CARD6: variants seen among roughly 807,000 people sequenced by gnomAD.
CARD6 encodes the protein caspase recruitment domain family member 6.
Under a neutral mutation model 23.6 loss-of-function variants are expected in CARD6, and 27 were observed. That is an observed-to-expected ratio of 1.14 (90% CI 0.84 to 1.58). The LOEUF is 1.58. Ranked by LOEUF, CARD6 falls within the 40% of genes most tolerant of loss-of-function variation. The pLI is 0.00. For missense variants in CARD6, 1,214 were observed against 1,209.9 expected (o/e 1.00, Z -0.05); for synonymous variants, 397 against 431.8 (o/e 0.92, Z 1.00).
At chr5:40,849,137 C>T (rs1362207114) in intron 2 of CARD6, among the ~76,000 whole-genome samples, 1 of 152,080 alleles carries the variant, frequency 6.6e-6, no homozygotes, top group Non-Finnish European at 1.5e-5. Context: ...GCTGGGACTA[C>T]AGGCACCTGC....
At chr5:40,846,543 T>G (rs1745970957) in intron 2 of CARD6, among the ~76,000 whole-genome samples, 1 of 152,142 alleles carries the variant, frequency 6.6e-6, no homozygotes, top group Admixed American at 6.5e-5. Flanking sequence ...GCCAGAAGCC[T>G]GATATCAAGG....
chr5:40,843,643 G>A lies in CARD6; in HGVS notation c.775G>A (p.Glu259Lys), dbSNP rs1217995241. 1.9e-6 allele frequency: 3 copies of A among 1,586,814 alleles called. No individual in the cohort carries two copies. Among genetic ancestry groups the A allele is most frequent in the Non-Finnish European group, 1.7e-6 (2 of 1,171,768 alleles). Residue 259 changes from glutamate to lysine, a missense_variant, in exon 2 of 3, where the codon GAA becomes AAA. By Grantham distance (56) the Glu-to-Lys change is moderately conservative. Transcript: ENST00000254691. ...NSETTEFSGE[E>K]PSYEGSETSL... ...AGAAACCACAGAGTTCTCTGGTGAA[G>A]AACCAAGTTATGAGGGATCAGAAAC...
In CARD6 at chr5:40,843,223, T is replaced by A; in HGVS notation, c.355T>A (p.Ser119Thr). 6.2e-7 allele frequency: 1 copy of A among 1,613,854 alleles called. No homozygotes were observed. Among genetic ancestry groups the A allele is most frequent in the Non-Finnish European group, 8.5e-7 (1 of 1,179,928 alleles). Reference protein sequence around the residue: ...GASSNSEDAFSPGIKQPEAPE... With the variant: ...GASSNSEDAFTPGIKQPEAPE... Reference sequence around the variant, plus strand: ...AAGCAGTAATTCAGAAGATGCTTTTTCTCCTGGAATAAAACAGCCTGAAGC... The same window carrying A: ...AAGCAGTAATTCAGAAGATGCTTTTACTCCTGGAATAAAACAGCCTGAAGC... Residue 119 changes from serine to threonine, a missense_variant, in exon 2 of 3, where the codon TCT (serine) becomes ACT (threonine). Ser to Thr is a moderately conservative substitution (Grantham distance 58). Transcript: ENST00000254691.
Position 40,853,149 on chromosome 5 carries a change from A to G in CARD6, c.1817A>G (p.Gln606Arg). Residue 606 changes from glutamine (Q) to arginine (R), a missense_variant, in exon 3 of 3, where the codon CAG becomes CGG. Coordinates refer to ENST00000254691, the MANE Select transcript of CARD6 (RefSeq NM_032587.4). ...AGGATACTGAACTTGAAGCCAGCAC[A>G]GCTACTGTTTTGGGAGAGGGGAGAT... ...FQRILNLKPA[Q>R]LLFWERGDAG... The G allele has an allele frequency of 1.2e-6, 2 of 1,614,218 alleles. No homozygotes were observed. The highest frequency in any genetic ancestry group is 1.1e-5 in the South Asian group (1 of 91,088).
At chr5:40,847,993 T>C (rs1745993532) in intron 2 of CARD6, among the ~76,000 whole-genome samples, 1 of 152,002 alleles carries the variant, frequency 6.6e-6, no homozygotes, top group Non-Finnish European at 1.5e-5. Context: ...TTCCAGAGAC[T>C]TTGCTCAGTT....
At position 40,853,218 on chromosome 5, in the gene CARD6, T is replaced by C. The variant is rs199834224; in HGVS notation, c.1886T>C (p.Leu629Pro). 63 of 1,614,058 alleles carry C rather than the reference T, an allele frequency of 3.9e-5. No homozygotes were observed. The highest frequency in any genetic ancestry group is 4.2e-6 in the Non-Finnish European group (5 of 1,180,034). Residue 629 changes from leucine (L) to proline (P), a missense_variant, in exon 3 of 3, where the codon CTC (leucine) becomes CCC (proline). Physicochemically the swap from Leu to Pro is moderately conservative, Grantham distance 98. Coordinates refer to ENST00000254691, the MANE Select transcript of CARD6 (RefSeq NM_032587.4). ...RKNMEGLQAA[L>P]QEVMFSSCLR... ...AACATGGAGGGCCTTCAAGCTGCCC[T>C]CCAGGAAGTGATGTTCTCTTCTTGC...
In CARD6 at chr5:40,842,517, G is replaced by A. The variant is rs113876938; in HGVS notation, c.284-635G>A. On this transcript the variant is annotated intron_variant, in intron 1 of 2. Transcript: ENST00000254691. ...TTCATTAGCAATGACCCCAAGAGAC[G>A]TGAGTCTGTTGTGAGTCACAGTAAG... Among the ~76,000 whole-genome samples, 232 of 152,312 alleles carry A rather than the reference G, an allele frequency of 1.5e-3. 1 individual carries two copies. The highest frequency in any genetic ancestry group is 5.3e-3 in the African/African-American group (219 of 41,580).
Position 40,853,394 on chromosome 5 carries a change from A to G in CARD6, c.2062A>G (p.Ser688Gly). 1 of 1,614,176 alleles carries G rather than the reference A, an allele frequency of 6.2e-7. No homozygotes were observed. Among genetic ancestry groups the G allele is most frequent in the Non-Finnish European group, 8.5e-7 (1 of 1,180,024 alleles). Residue 688 changes from serine (S) to glycine (G), a missense_variant, in exon 3 of 3, where the codon AGT becomes GGT. Physicochemically the swap from Ser to Gly is moderately conservative, Grantham distance 56 (BLOSUM62 0). Transcript: ENST00000254691. The stretch of plus-strand genomic sequence containing the variant: ...TGAAGGTGAGGGTCAGCAAAGACAC[A>G]GTCAGCTAAAAAGCTCATCTAAAAG... ...TAEGEGQQRHSQLKSSSKSQA... is the reference protein window; with the variant it reads ...TAEGEGQQRHGQLKSSSKSQA...
chr5:40,852,589 A>T lies in CARD6; in HGVS notation c.1257A>T (p.Leu419Phe). The change falls in exon 3 of 3, where the codon TTA (leucine) becomes TTT (phenylalanine). Residue 419 changes from leucine (L) to phenylalanine (F), a missense_variant. Coordinates refer to ENST00000254691, the MANE Select transcript of CARD6 (RefSeq NM_032587.4). ...ATGCAGAAAACAACAAAAGCATCTT[A>T]ATGCTGGGGGCCATGAAAGACATTG... ...LPDAENNKSILMLGAMKDIVK... is the reference protein window; with the variant it reads ...LPDAENNKSIFMLGAMKDIVK... 6.2e-7 allele frequency: 1 copy of T among 1,614,200 alleles called. No homozygotes were observed. The highest frequency in any genetic ancestry group is 1.1e-5 in the South Asian group (1 of 91,082).
At chr5:40,848,609 A>G (rs1316967726) in intron 2 of CARD6, among the ~76,000 whole-genome samples, 1 of 152,070 alleles carries the variant, frequency 6.6e-6, no homozygotes, top group African/African-American at 2.4e-5. Context: ...TCCTATGTCT[A>G]TTAGCTTTGG....
At position 40,855,057 on chromosome 5, in the gene CARD6, C is replaced by T. The variant is rs1237358702; in HGVS notation, c.*611C>T. On this transcript the variant is annotated 3_prime_UTR_variant, in exon 3 of 3. Transcript: ENST00000254691. ...GGGAATGGGGGTCTATGAGACAACC[C>T]CACTTGGAGAAGAATGGGGTTAGGG... The T allele has an allele frequency of 6.6e-6, 1 of 152,638 alleles. No homozygotes were observed. Among genetic ancestry groups the T allele is most frequent in the African/African-American group, 2.4e-5 (1 of 41,396 alleles). The allele number at this position is 152,638 out of a possible 1,614,324, so 9.5% of individuals were successfully genotyped here.
In CARD6 at chr5:40,853,380, G is replaced by T. The variant is rs1354397697; in HGVS notation, c.2048G>T (p.Gly683Val). 2 of 1,614,110 alleles carry T rather than the reference G, an allele frequency of 1.2e-6. No homozygotes were observed. Among genetic ancestry groups the T allele is most frequent in the African/African-American group, 2.7e-5 (2 of 75,030 alleles). The change falls in exon 3 of 3, where the codon GGT becomes GTT. Residue 683 changes from glycine to valine, a missense_variant. Physicochemically the swap from Gly to Val is moderately radical, Grantham distance 109. Transcript: ENST00000254691. ...ATGGCTGGGACAGCTGAAGGTGAGGGTCAGCAAAGACACAGTCAGCTAAAA... is the reference window on the plus strand; with the variant it reads ...ATGGCTGGGACAGCTGAAGGTGAGGTTCAGCAAAGACACAGTCAGCTAAAA... ...ENMAGTAEGEGQQRHSQLKSS... is the reference protein window; with the variant it reads ...ENMAGTAEGEVQQRHSQLKSS...
chr5:40,843,504 G>A lies in CARD6; in HGVS notation c.636G>A (p.Glu212=). The part of the protein sequence containing the change: ...ELDDSLYLGK[E]EYLGSVDTPE... ...ATGATTCTTTATACTTAGGAAAAGA[G>A]GAATATCTAGGATCTGTTGACACCC... is the stretch of plus-strand genomic sequence containing the variant. Residue 212 remains glutamate, a synonymous_variant, in exon 2 of 3, where the codon GAG becomes GAA. Coordinates refer to ENST00000254691, the MANE Select transcript of CARD6 (RefSeq NM_032587.4). 1 of 1,607,638 alleles carries A rather than the reference G, an allele frequency of 6.2e-7. No individual in the cohort carries two copies. The highest frequency in any genetic ancestry group is 1.7e-4 in the Middle Eastern group (1 of 6,002).
intron 2 of CARD6, among the ~76,000 whole-genome samples, chr5:40,851,329 T>TAA (rs771384945): frequency 7.0e-6 from 1 of 143,248 alleles, no homozygotes; most frequent in Non-Finnish European, 1.5e-5. Flanking sequence ...AGACTCCATC[T>TAA]AAAAAAAAAA....
intron 2 of CARD6, among the ~76,000 whole-genome samples, chr5:40,844,868 CTTT>C (rs761641223): frequency 3.0e-5 from 4 of 134,488 alleles, no homozygotes; most frequent in Non-Finnish European, 4.8e-5. Flanking sequence ...TTGCTTCCTT[CTTT>C]TTTTTTTTTT....
Position 40,853,931 on chromosome 5 carries a change from T to C in CARD6, c.2599T>C (p.Trp867Arg), listed in dbSNP as rs544825072. Reference sequence around the variant, plus strand: ...GCCAGCAAGAGCAGTAGGGAAGCCATGGCCTCAGCAAGCTTGCACCAGGGT... The same window carrying C: ...GCCAGCAAGAGCAGTAGGGAAGCCACGGCCTCAGCAAGCTTGCACCAGGGT... ...SQPARAVGKP[W>R]PQQACTRVTE... The change falls in exon 3 of 3, where the codon TGG becomes CGG. Residue 867 changes from tryptophan (W) to arginine (R), a missense_variant. Physicochemically the swap from Trp to Arg is moderately radical, Grantham distance 101 (BLOSUM62 -3). Transcript: ENST00000254691. 6.2e-6 allele frequency: 10 copies of C among 1,614,136 alleles called. No individual in the cohort carries two copies. Among genetic ancestry groups the C allele is most frequent in the South Asian group, 5.5e-5 (5 of 91,084 alleles).
Position 40,852,173 on chromosome 5 carries a change from GAAAGAAAAAAGGTGTT to G in CARD6, c.842_857del (p.Glu281ValfsTer8). ...ATTCACTATTATCTTCTCTCCTACA[GAAAGAAAAAAGGTGTT>G]TAAAGATGTCCTGTTATGTTTGAAC... On this transcript the variant is annotated frameshift_variant and splice_region_variant, in exon 3 of 3. Coordinates refer to ENST00000254691, the MANE Select transcript of CARD6 (RefSeq NM_032587.4). LOFTEE classifies it low-confidence loss of function (END_TRUNC). 3.8e-6 allele frequency: 6 copies of G among 1,586,050 alleles called. No individual in the cohort carries two copies. The highest frequency in any genetic ancestry group is 5.2e-6 in the Non-Finnish European group (6 of 1,162,020).
chr5:40,845,097 A>G (rs1579801290), intron 2 of CARD6, among the ~76,000 whole-genome samples: 1 of 151,806 alleles, frequency 6.6e-6, no homozygotes, highest in African/African-American at 2.4e-5. Context: ...CGAACTCCTA[A>G]CCTCAAGTAA....
chr5:40,842,331 G>A (rs1579799400), intron 1 of CARD6, among the ~76,000 whole-genome samples: 2 of 152,304 alleles, frequency 1.3e-5, no homozygotes, highest in African/African-American at 4.8e-5. Flanking sequence ...TATTTTAAGG[G>A]ATGTTAGAGA....
Sources: gnomAD v4.1 joint callset for allele counts (sites outside exome capture counted in the v4.1 genomes callset) on GRCh38, gnomAD v4.1.1 for gene constraint, MANE v1.5 for transcripts, NCBI Gene and HGNC (gene_info 2026-07-23, HGNC 2026-07-21) for gene names.